The following HSF2BP variants were observed in gnomAD, a reference collection of about 807,000 sequenced individuals.
HSF2BP encodes the protein heat shock factor 2-binding protein.
In HSF2BP, 35 loss-of-function variants were observed where a neutral mutation model predicts 35.0. That is an observed-to-expected ratio of 1.00 (90% CI 0.76 to 1.32). HSF2BP has a LOEUF of 1.32. HSF2BP is among the 40% of genes most tolerant of loss of function. The pLI is 0.00. For synonymous variants in HSF2BP, 114 were observed against 117.4 expected (o/e 0.97, Z 0.18); for missense variants, 326 against 321.7 (o/e 1.01, Z -0.10).
chr21:43,650,678 G>A (rs2082772035), intron 3 of HSF2BP, among the ~76,000 whole-genome samples: 1 of 147,898 alleles, frequency 6.8e-6, no homozygotes, highest in East Asian at 2.0e-4. Flanking sequence ...TCAAATGGAG[G>A]TTCCTATAGT....
In HSF2BP at chr21:43,657,494, C is replaced by G. The variant is rs144271007; in HGVS notation, c.36+567G>C. 3.3e-4 allele frequency among the ~76,000 whole-genome samples: 50 copies of G among 152,288 alleles called. No individual in the cohort carries two copies. The East Asian group carries it at 9.7e-3, about 29-fold the overall frequency. Reference sequence around the variant, plus strand: ...TACTGGGTTTGCCAAGCCCTCCGCCCGTGATCTCATCTACTATTCACCCCA... The same window carrying G: ...TACTGGGTTTGCCAAGCCCTCCGCCGGTGATCTCATCTACTATTCACCCCA... On this transcript the variant is annotated intron_variant, in intron 2 of 8. Transcript: ENST00000291560.
intron 3 of HSF2BP, among the ~76,000 whole-genome samples, chr21:43,655,523 C>A (rs1250590519): frequency 6.6e-6 from 1 of 152,144 alleles, no homozygotes; most frequent in Non-Finnish European, 1.5e-5. Flanking sequence ...GCTAGGACTA[C>A]GGAAGAGGCC....
intron 4 of HSF2BP, among the ~76,000 whole-genome samples, chr21:43,637,467 C>A (rs1459877594): frequency 6.8e-6 from 1 of 147,922 alleles, no homozygotes; most frequent in Non-Finnish European, 1.5e-5. Flanking sequence ...TGGACAAAAT[C>A]CAACACTCAG....
At chr21:43,595,025 C>T (rs2081968162) in intron 7 of HSF2BP, among the ~76,000 whole-genome samples, 1 of 152,104 alleles carries the variant, frequency 6.6e-6, no homozygotes, top group Admixed American at 6.5e-5. Flanking sequence ...CTTTGGGAGG[C>T]CAGGGTGGGC....
At chr21:43,610,086 T>G (rs185427883) in intron 7 of HSF2BP, 2 of 152,208 alleles carry the variant, frequency 1.3e-5, no homozygotes, top group African/African-American at 4.8e-5. Context: ...AAAGAGGCAA[T>G]GGATTAGTAT....
rs549792307 is a variant in HSF2BP, at chr21:43,658,116, C to T, written c.-20G>A. The T allele has an allele frequency of 1.3e-6, 2 of 1,524,624 alleles. No homozygotes were observed. Among genetic ancestry groups the T allele is most frequent in the African/African-American group, 1.4e-5 (1 of 72,422 alleles). The allele number at this position is 1,524,624 out of a possible 1,614,324, so 94.4% of individuals were successfully genotyped here. The stretch of plus-strand genomic sequence containing the variant: ...GCCCATGGCCGCTGCCGCCTCCGCT[C>T]CGTTCGCCTGAGCGTCGGCGCGCCC... On this transcript the variant is annotated 5_prime_UTR_variant, in exon 2 of 9. Transcript: ENST00000291560.
At chr21:43,643,667 T>C (rs2082669138) in intron 4 of HSF2BP, among the ~76,000 whole-genome samples, 1 of 152,182 alleles carries the variant, frequency 6.6e-6, no homozygotes, top group South Asian at 2.1e-4. Context: ...CTTTATAAAT[T>C]ACTCAGCCTC....
At chr21:43,641,899 G>C in intron 4 of HSF2BP, among the ~76,000 whole-genome samples, 1 of 136,890 alleles carries the variant, frequency 7.3e-6, no homozygotes, top group South Asian at 2.4e-4. Flanking sequence ...CTGGACGACA[G>C]AGCAAGACTC....
chr21:43,614,092 G>C, intron 6 of HSF2BP, 145 bp from the exon 7 acceptor site: 1 of 665,320 alleles, frequency 1.5e-6, no homozygotes. Flanking sequence ...TGCTAGGCAT[G>C]GTTGTTCACA....
chr21:43,657,998 C>G, intron 2 of HSF2BP, 63 bp downstream of exon 2: 1 of 1,533,752 alleles, frequency 6.5e-7, no homozygotes, highest in Non-Finnish European at 8.7e-7. Flanking sequence ...GGGGCGAGGC[C>G]CTGAGGGGAG....
intron 6 of HSF2BP, among the ~76,000 whole-genome samples, chr21:43,624,203 T>C (rs1180581866): frequency 6.6e-6 from 1 of 152,232 alleles, no homozygotes; most frequent in Non-Finnish European, 1.5e-5. Flanking sequence ...ATCAGCATTA[T>C]CCATAACAGT....
At chr21:43,589,907 C>T (rs764897133) in intron 8 of HSF2BP, among the ~76,000 whole-genome samples, 7 of 152,152 alleles carry the variant, frequency 4.6e-5, no homozygotes, top group African/African-American at 9.7e-5. Flanking sequence ...TATACCTAAA[C>T]GTGAAATGCA....
chr21:43,581,927 GCC>G, intron 8 of HSF2BP, among the ~76,000 whole-genome samples: 1 of 138,666 alleles, frequency 7.2e-6, no homozygotes, highest in African/African-American at 3.0e-5. Flanking sequence ...GGAGATGAGG[GCC>G]TGCCGTGGGG....
In HSF2BP at chr21:43,659,484, C is replaced by T. The variant is rs1321170420; in HGVS notation, c.-323G>A. On this transcript the variant is annotated 5_prime_UTR_variant, in exon 1 of 9. Transcript: ENST00000291560. The surrounding 1 kb of genome is among the most constrained non-coding windows in gnomAD (Gnocchi z 4.2). ...CCGCCAGCTGCCAGGGCCACTGCCGCGCTCACTCCCAGAGCGCGCTGCGAG... is the reference window on the plus strand; with the variant it reads ...CCGCCAGCTGCCAGGGCCACTGCCGTGCTCACTCCCAGAGCGCGCTGCGAG... The T allele has an allele frequency of 8.2e-6, 4 of 490,708 alleles. No individual in the cohort carries two copies. Among genetic ancestry groups the T allele is most frequent in the Admixed American group, 1.1e-4 (2 of 18,912 alleles). The allele number at this position is 490,708 out of a possible 1,614,324, so 30.4% of individuals were successfully genotyped here.
chr21:43,638,725 A>G (rs1419387538), intron 4 of HSF2BP, among the ~76,000 whole-genome samples: 2 of 152,260 alleles, frequency 1.3e-5, no homozygotes, highest in African/African-American at 2.4e-5. Flanking sequence ...AAAGATATCA[A>G]TTCTCTACAA....
At chr21:43,646,032 G>A (rs1257478100) in intron 3 of HSF2BP, among the ~76,000 whole-genome samples, 1 of 151,880 alleles carries the variant, frequency 6.6e-6, no homozygotes, top group Non-Finnish European at 1.5e-5. Context: ...GCGTTTCTTA[G>A]GGGCCCGGCT....
At chr21:43,626,318 A>T (rs2082388896) in intron 6 of HSF2BP, among the ~76,000 whole-genome samples, 1 of 152,258 alleles carries the variant, frequency 6.6e-6, no homozygotes, top group African/African-American at 2.4e-5. Flanking sequence ...TCCTAAGAAC[A>T]GCATGGGAAA....
At chr21:43,637,595 A>G (rs1258653665) in intron 4 of HSF2BP, among the ~76,000 whole-genome samples, 1 of 151,892 alleles carries the variant, frequency 6.6e-6, no homozygotes. Flanking sequence ...TTGACAAGAG[A>G]GAGAACTTGG....
At chr21:43,630,924 T>G (rs2082448181) in intron 5 of HSF2BP, among the ~76,000 whole-genome samples, 1 of 152,202 alleles carries the variant, frequency 6.6e-6, no homozygotes, top group Non-Finnish European at 1.5e-5. Flanking sequence ...AGTTTGAACC[T>G]TTGAGTTACT....
Sources: gnomAD v4.1 joint callset for allele counts (sites outside exome capture counted in the v4.1 genomes callset) on GRCh38, gnomAD v4.1.1 for gene constraint, Gnocchi (gnomAD v3.1) non-coding constraint, MANE v1.5 for transcripts, NCBI Gene and HGNC (gene_info 2026-07-23, HGNC 2026-07-21) for gene names.